Variants in STXBP5 observed in about 807,000 individuals in gnomAD.
STXBP5 encodes syntaxin binding protein 5, also known as syntaxin-binding protein 5.
STXBP5 carries 50 observed loss-of-function variants against 152.4 expected under a neutral mutation model. That is an observed-to-expected ratio of 0.33 (90% CI 0.26 to 0.42). The LOEUF is 0.42. Ranked by LOEUF, STXBP5 falls within the 10% of genes least tolerant of loss-of-function variation. The pLI, the probability that STXBP5 is intolerant of heterozygous loss-of-function variation, is 1.00. For missense variants in STXBP5, 1,167 were observed against 1,388.6 expected (o/e 0.84, Z 2.54); for synonymous variants, 492 against 494.7 (o/e 0.99, Z 0.07).
chr6:147,352,903 G>A lies in STXBP5; in HGVS notation c.2255-420G>A, dbSNP rs113117958. 2.6e-4 allele frequency among the ~76,000 whole-genome samples: 40 copies of A among 152,088 alleles called. No homozygotes were observed. The East Asian group carries it at 2.7e-3, about 10-fold the overall frequency. Reference sequence around the variant, plus strand: ...AAGTTGGCCAGGCATGGTGGCTCACGCATGTAATCCCAGCACTTTGGGAGG... The same window carrying A: ...AAGTTGGCCAGGCATGGTGGCTCACACATGTAATCCCAGCACTTTGGGAGG... On this transcript the variant is annotated intron_variant, in intron 21 of 27. Transcript: ENST00000321680.
chr6:147,239,341 T>A (rs916566363), intron 4 of STXBP5, 71 bp downstream of exon 4: 3 of 1,394,812 alleles, frequency 2.2e-6, no homozygotes, highest in Non-Finnish European at 2.0e-6. Context: ...CAGTCTTTGA[T>A]TTTTTGTGTG....
intron 21 of STXBP5, among the ~76,000 whole-genome samples, chr6:147,341,761 A>C (rs1230862925): frequency 6.7e-6 from 1 of 148,692 alleles, no homozygotes; most frequent in Non-Finnish European, 1.5e-5. Flanking sequence ...CAACCACCCT[A>C]CCTTTTTTTT....
At chr6:147,355,284 T>C (rs1051427973) in intron 22 of STXBP5, among the ~76,000 whole-genome samples, 1 of 152,154 alleles carries the variant, frequency 6.6e-6, no homozygotes, top group Non-Finnish European at 1.5e-5. Flanking sequence ...TGGCATTATG[T>C]TTTGATTTGG....
At chr6:147,362,254 C>A (rs1785101855) in intron 23 of STXBP5, among the ~76,000 whole-genome samples, 2 of 152,170 alleles carry the variant, frequency 1.3e-5, no homozygotes, top group Admixed American at 1.3e-4. Flanking sequence ...ACATCAGGAA[C>A]TCTTTTTCTT....
rs184818915 is a variant in STXBP5, at chr6:147,371,302, T to C, written c.3082-2429T>C. On this transcript the variant is annotated intron_variant, in intron 25 of 27. Coordinates refer to ENST00000321680, the MANE Select transcript of STXBP5 (RefSeq NM_001127715.4). ...ATATTTTATGTATTTTCCCAAAACC[T>C]TTATATTAAGACTGCAGATAATCTA... Among the ~76,000 whole-genome samples the C allele has an allele frequency of 3.2e-3, 491 of 152,172 alleles. 5 individuals are homozygous for C. The highest frequency in any genetic ancestry group is 0.011 in the African/African-American group (472 of 41,570).
intron 26 of STXBP5, 124 bp from the exon 27 acceptor site, chr6:147,382,654 C>A: frequency 1.0e-6 from 1 of 963,802 alleles, no homozygotes; most frequent in Non-Finnish European, 1.6e-6. Flanking sequence ...GCATATTTCA[C>A]TTTATAATTT....
At position 147,363,600 on chromosome 6, in the gene STXBP5, A is replaced by G. The variant is rs753923734; in HGVS notation, c.2811A>G (p.Gln937=). The G allele has an allele frequency of 6.2e-7, 1 of 1,614,196 alleles. No homozygotes were observed. The highest frequency in any genetic ancestry group is 8.5e-7 in the Non-Finnish European group (1 of 1,180,034). Residue 937 remains glutamine, a synonymous_variant, in exon 24 of 28, where the codon CAA becomes CAG. Transcript: ENST00000321680. The stretch of plus-strand genomic sequence containing the variant: ...CAACCCAGAACTGTGCTTATAAGCA[A>G]AATATTACAGAGACCTCGTTTGTGC... ...SLPTQNCAYK[Q]NITETSFVLR...
intron 8 of STXBP5, among the ~76,000 whole-genome samples, chr6:147,282,108 T>G (rs531107234): frequency 6.6e-6 from 1 of 152,204 alleles, no homozygotes; most frequent in Non-Finnish European, 1.5e-5. Context: ...GTGCTATTCA[T>G]ATATGGCTCT....
chr6:147,329,727 G>A lies in STXBP5; in HGVS notation c.2080+2451G>A, dbSNP rs1468773428. On this transcript the variant is annotated intron_variant, in intron 18 of 27. Coordinates refer to ENST00000321680, the MANE Select transcript of STXBP5 (RefSeq NM_001127715.4). ...TGCAAGCTCCGCCTCCCGGGTTCAC[G>A]CCATTCTCCTGCCTCAGCCTCCCGA... 7.3e-5 allele frequency among the ~76,000 whole-genome samples: 10 copies of A among 136,914 alleles called. No individual in the cohort carries two copies. In the Admixed American group the frequency reaches 8.4e-4, roughly 11 times the overall value. 89.8% of individuals were successfully genotyped at this position (136,914 alleles called of 152,430 possible).
In STXBP5 at chr6:147,386,422, C is replaced by T. The variant is rs1203146167; in HGVS notation, c.*1667C>T. On this transcript the variant is annotated 3_prime_UTR_variant, in exon 28 of 28. Coordinates refer to ENST00000321680, the MANE Select transcript of STXBP5 (RefSeq NM_001127715.4). ...TTTCCTCTACTTTTCATTAATAAAG[C>T]TTTTATGTTTACATTTTATAACATG... 2 of 151,404 alleles carry T rather than the reference C, an allele frequency of 1.3e-5. No homozygotes were observed. Among genetic ancestry groups the T allele is most frequent in the African/African-American group, 4.8e-5 (2 of 41,240 alleles). The allele number at this position is 151,404 out of a possible 1,614,324, so 9.4% of individuals were successfully genotyped here. A position where few individuals can be genotyped will look rare whatever the true frequency, so the allele number is the denominator to read the frequency against.
chr6:147,346,739 A>C (rs1227425658), intron 21 of STXBP5, among the ~76,000 whole-genome samples: 1 of 152,092 alleles, frequency 6.6e-6, no homozygotes, highest in Non-Finnish European at 1.5e-5. Flanking sequence ...GTCTCCTCAA[A>C]AAAAAAAATA....
chr6:147,368,480 T>C (rs1290179225), intron 25 of STXBP5, among the ~76,000 whole-genome samples: 1 of 152,086 alleles, frequency 6.6e-6, no homozygotes, highest in Non-Finnish European at 1.5e-5. Context: ...AGAAGAAAAC[T>C]TAAAGGACAT....
intron 7 of STXBP5, among the ~76,000 whole-genome samples, chr6:147,271,960 A>G (rs972008373): frequency 2.6e-5 from 4 of 152,154 alleles, no homozygotes; most frequent in Admixed American, 1.3e-4. Flanking sequence ...AGAAATACAG[A>G]GGGGCTGATA....
chr6:147,255,941 C>A (rs975194541), intron 4 of STXBP5, among the ~76,000 whole-genome samples: 5 of 152,164 alleles, frequency 3.3e-5, no homozygotes, highest in African/African-American at 1.2e-4. Flanking sequence ...TGTAGACTAT[C>A]ATACAAATTG....
rs773179135 is a variant in STXBP5, at chr6:147,359,149, C to A, written c.2371C>A (p.Arg791=). Residue 791 remains arginine, a synonymous_variant, in exon 23 of 28, where the codon CGA becomes AGA. Transcript: ENST00000321680. ...TGTAACAAGCATTGACAAAGAATCC[C>A]GAGAAGCGATCTCCGCTCTTCATTT... is the stretch of plus-strand genomic sequence containing the variant. ...SSVTSIDKES[R]EAISALHFCE... is the part of the protein sequence containing the mutation. 1 of 1,613,990 alleles carries A rather than the reference C, an allele frequency of 6.2e-7. No individual in the cohort carries two copies. The highest frequency in any genetic ancestry group is 1.1e-5 in the South Asian group (1 of 91,076).
intron 8 of STXBP5, among the ~76,000 whole-genome samples, chr6:147,279,879 T>C (rs1780620716): frequency 6.6e-6 from 1 of 152,126 alleles, no homozygotes. Flanking sequence ...AATCTTTCAT[T>C]TTAAACCCAG....
intron 2 of STXBP5, among the ~76,000 whole-genome samples, chr6:147,207,431 C>T (rs1003112849): frequency 4.6e-5 from 7 of 152,134 alleles, no homozygotes; most frequent in African/African-American, 1.4e-4. Flanking sequence ...ATTTCTGAGA[C>T]GGTGTGTCTG....
chr6:147,375,966 A>G (rs544138660), intron 26 of STXBP5, among the ~76,000 whole-genome samples: 127 of 152,292 alleles, frequency 8.3e-4, no homozygotes, highest in Non-Finnish European at 1.3e-3. Flanking sequence ...TTTTAGACAA[A>G]TAAGTAAACC....
chr6:147,304,926 C>T (rs1426047528), intron 9 of STXBP5, among the ~76,000 whole-genome samples: 8 of 152,216 alleles, frequency 5.3e-5, no homozygotes, highest in Non-Finnish European at 1.2e-4. Context: ...TTGTATCTAG[C>T]TAGAGTTACG....
Sources: gnomAD v4.1 joint callset for allele counts (sites outside exome capture counted in the v4.1 genomes callset) on GRCh38, gnomAD v4.1.1 for gene constraint, MANE v1.5 for transcripts, NCBI Gene and HGNC (gene_info 2026-07-23, HGNC 2026-07-21) for gene names.